The following CTNNA2 variants were observed in gnomAD, a reference collection of about 807,000 sequenced individuals.
CTNNA2 encodes catenin alpha-2.
A neutral mutation model predicts 101.0 loss-of-function variants in CTNNA2; 42 were observed. The observed-to-expected ratio is 0.42, with a 90% CI of 0.32 to 0.54. CTNNA2 has a LOEUF of 0.54. Ranked by LOEUF, CTNNA2 falls within the 20% of genes least tolerant of loss-of-function variation. The pLI, the probability that CTNNA2 is intolerant of heterozygous loss-of-function variation, is 0.14. For missense variants in CTNNA2, 871 were observed against 1,223.1 expected (o/e 0.71, Z 4.29); for synonymous variants, 450 against 456.4 (o/e 0.99, Z 0.18).
chr2:80,562,842 T>C (rs1418743849), intron 12 of CTNNA2, among the ~76,000 whole-genome samples: 1 of 152,044 alleles, frequency 6.6e-6, no homozygotes, highest in Non-Finnish European at 1.5e-5. Context: ...TTCCATTTAT[T>C]TTCAAAAAAG....
At chr2:79,786,105 A>C (rs975052) in intron 3 of CTNNA2, among the ~76,000 whole-genome samples, 27,730 of 152,088 alleles carry the variant, frequency 0.18, 4,358 homozygotes, top group African/African-American at 0.41. Context: ...CCCATGTTGA[A>C]ATATGAAAAT....
At position 80,302,752 on chromosome 2, in the gene CTNNA2, G is replaced by C; in HGVS notation, c.1057-90459G>C. The C allele has an allele frequency of 6.2e-7, 1 of 1,613,148 alleles. No individual in the cohort carries two copies. The highest frequency in any genetic ancestry group is 8.5e-7 in the Non-Finnish European group (1 of 1,179,860). The stretch of plus-strand genomic sequence containing the variant: ...CCTCGCACAGGTGGAAGGCGTACAC[G>C]GCGTCCAGGACGTCCTCGCCCTGTG... On this transcript the variant is annotated intron_variant, in intron 7 of 18. Coordinates refer to ENST00000402739, the MANE Select transcript of CTNNA2 (RefSeq NM_001282597.3). The surrounding 1 kb of genome is among the most constrained non-coding windows in gnomAD (Gnocchi z 6.4).
intron 4 of CTNNA2, among the ~76,000 whole-genome samples, chr2:79,431,713 C>G (rs888482705): frequency 2.0e-5 from 3 of 152,144 alleles, no homozygotes; most frequent in Non-Finnish European, 2.9e-5. Flanking sequence ...AGTTCCCTCT[C>G]TCACCCATAG....
At chr2:80,209,222 G>A (rs925798052) in intron 7 of CTNNA2, among the ~76,000 whole-genome samples, 1 of 144,628 alleles carries the variant, frequency 6.9e-6, no homozygotes, top group African/African-American at 2.6e-5. Flanking sequence ...TTTTTTCTGA[G>A]AAGGAGTCTT....
chr2:79,524,301 T>C (rs1390828758), intron 1 of CTNNA2, among the ~76,000 whole-genome samples: 1 of 152,044 alleles, frequency 6.6e-6, no homozygotes, highest in Non-Finnish European at 1.5e-5. Flanking sequence ...TTTGTGTTAT[T>C]GCTATCTTGT....
chr2:80,302,376 C>A lies in CTNNA2; in HGVS notation c.1057-90835C>A. On this transcript the variant is annotated intron_variant, in intron 7 of 18. Transcript: ENST00000402739. This position sits in a 1 kb window ranked among gnomAD's most constrained non-coding sequence, Gnocchi z 6.4. ...ACGTAGTATTCCTGGGCAGACATGG[C>A]AGCCATCTGATGCATGGTCTGTTTC... 4 of 1,614,248 alleles carry A rather than the reference C, an allele frequency of 2.5e-6. No homozygotes were observed. Among genetic ancestry groups the A allele is most frequent in the African/African-American group, 1.3e-5 (1 of 75,068 alleles).
chr2:80,605,141 T>G (rs866633402), intron 16 of CTNNA2: 3 of 152,028 alleles, frequency 2.0e-5, no homozygotes, highest in South Asian at 2.1e-4. Context: ...AACTAGGATA[T>G]ACATTAAAAG....
intron 1 of CTNNA2, among the ~76,000 whole-genome samples, chr2:79,189,714 G>A (rs1221471736): frequency 6.6e-6 from 1 of 152,150 alleles, no homozygotes; most frequent in Non-Finnish European, 1.5e-5. Flanking sequence ...ACCCTCTGGA[G>A]TTAAGCTCCT....
chr2:80,575,403 TTCTC>T (rs748235663), intron 13 of CTNNA2: 5 of 152,138 alleles, frequency 3.3e-5, no homozygotes, highest in African/African-American at 7.2e-5. Context: ...GCCTAAATCT[TTCTC>T]TCTCTTTCTT....
chr2:80,197,600 C>T (rs1162370211), intron 7 of CTNNA2, among the ~76,000 whole-genome samples: 3 of 152,110 alleles, frequency 2.0e-5, no homozygotes, highest in Non-Finnish European at 2.9e-5. Context: ...CTGTGCTCTC[C>T]CACCTCAGAA....
Position 80,555,806 on chromosome 2 carries a change from C to T in CTNNA2, c.1654C>T (p.His552Tyr). The change falls in exon 12 of 19, where the codon CAC (histidine) becomes TAC (tyrosine). Residue 552 changes from histidine to tyrosine, a missense_variant. His to Tyr is a moderately conservative substitution (Grantham distance 83, BLOSUM62 2). Coordinates refer to ENST00000402739, the MANE Select transcript of CTNNA2 (RefSeq NM_001282597.3). Reference sequence around the variant, plus strand: ...CAGGGGCCGGGCAGCTCGAGTCATACACATCATCAATGCTGAGATGGAGAA... The same window carrying T: ...CAGGGGCCGGGCAGCTCGAGTCATATACATCATCAATGCTGAGATGGAGAA... ...AIRGRAARVI[H>Y]IINAEMENYE... 6.2e-7 allele frequency: 1 copy of T among 1,600,804 alleles called. No individual in the cohort carries two copies. The highest frequency in any genetic ancestry group is 8.5e-7 in the Non-Finnish European group (1 of 1,173,780).
At chr2:79,236,496 T>C (rs1305600603) in intron 2 of CTNNA2, among the ~76,000 whole-genome samples, 1 of 152,190 alleles carries the variant, frequency 6.6e-6, no homozygotes, top group Admixed American at 6.5e-5. Context: ...TTGATCAGGC[T>C]ATTTCTTAAT....
chr2:79,975,692 T>C (rs1690787842), intron 7 of CTNNA2, among the ~76,000 whole-genome samples: 1 of 152,130 alleles, frequency 6.6e-6, no homozygotes, highest in African/African-American at 2.4e-5. Flanking sequence ...ACATTTACAG[T>C]TTATTATGAA....
chr2:79,584,011 G>A (rs1046425475), intron 1 of CTNNA2, among the ~76,000 whole-genome samples: 3 of 152,034 alleles, frequency 2.0e-5, no homozygotes, highest in African/African-American at 7.2e-5. Context: ...GAAATGCTTT[G>A]TAGGCTATTT....
At chr2:79,219,115 T>G (rs535951325) in intron 2 of CTNNA2, among the ~76,000 whole-genome samples, 1 of 152,354 alleles carries the variant, frequency 6.6e-6, no homozygotes, top group African/African-American at 2.4e-5. Flanking sequence ...ATTTTTTCCC[T>G]AAAATTGTAC....
intron 4 of CTNNA2, among the ~76,000 whole-genome samples, chr2:79,413,934 C>CATAT (rs70940033): frequency 2.5e-3 from 352 of 140,178 alleles, no homozygotes; most frequent in Non-Finnish European, 3.4e-3. Context: ...GAGCTGAATT[C>CATAT]ATATATATAT....
chr2:79,868,465 G>A (rs1200556158), intron 4 of CTNNA2, among the ~76,000 whole-genome samples: 2 of 152,224 alleles, frequency 1.3e-5, no homozygotes, highest in Non-Finnish European at 2.9e-5. Context: ...TACTGGTTTA[G>A]ATACGTATTC....
chr2:80,480,086 A>G (rs1686033935), intron 9 of CTNNA2, among the ~76,000 whole-genome samples: 1 of 152,142 alleles, frequency 6.6e-6, no homozygotes, highest in African/African-American at 2.4e-5. Context: ...TTCTAATTTA[A>G]TTGATCATAT....
chr2:79,742,801 A>G (rs1167461633), intron 2 of CTNNA2, among the ~76,000 whole-genome samples: 1 of 152,218 alleles, frequency 6.6e-6, no homozygotes, highest in African/African-American at 2.4e-5. Flanking sequence ...ATGGCCTTAT[A>G]GAATCTTTCT....
Sources: gnomAD v4.1 joint callset for allele counts (sites outside exome capture counted in the v4.1 genomes callset) on GRCh38, gnomAD v4.1.1 for gene constraint, Gnocchi (gnomAD v3.1) non-coding constraint, MANE v1.5 for transcripts, NCBI Gene and HGNC (gene_info 2026-07-23, HGNC 2026-07-21) for gene names.